Variants in TMEM269 observed in about 807,000 individuals in gnomAD.
TMEM269 encodes the protein transmembrane protein 269.
A neutral mutation model predicts 15.8 loss-of-function variants in TMEM269; 12 were observed. That is an observed-to-expected ratio of 0.76 (90% CI 0.49 to 1.23). TMEM269 has a LOEUF of 1.23. Ranked by LOEUF, TMEM269 falls within the 50% of genes most tolerant of loss-of-function variation. TMEM269 has a pLI of 0.00. For missense variants in TMEM269, 211 were observed against 245.4 expected (o/e 0.86, Z 0.94); for synonymous variants, 93 against 99.3 (o/e 0.94, Z 0.38).
At position 42,798,195 on chromosome 1, in the gene TMEM269, C is replaced by A. The variant is rs987265241; in HGVS notation, c.582C>A (p.Gly194=). 6.5e-7 allele frequency: 1 copy of A among 1,548,434 alleles called. No individual in the cohort carries two copies. Among genetic ancestry groups the A allele is most frequent in the African/African-American group, 1.4e-5 (1 of 73,018 alleles). Residue 194 remains glycine (G), a synonymous_variant, in exon 6 of 6, where the codon GGC becomes GGA. Coordinates refer to ENST00000637012, the MANE Select transcript of TMEM269 (RefSeq NM_001354602.2). The part of the protein sequence containing the change: ...SYIFFPDALW[G]KAACLSPQH Reference sequence around the variant, plus strand: ...TCTTCTTTCCAGATGCTCTGTGGGGCAAGGCAGCCTGTCTTTCGCCACAGC... The same window carrying A: ...TCTTCTTTCCAGATGCTCTGTGGGGAAAGGCAGCCTGTCTTTCGCCACAGC...
At position 42,798,336 on chromosome 1, in the gene TMEM269, A is replaced by ACATACCATATATCTAG; in HGVS notation, c.*111_*112insCATACCATATATCTAG. ...ATGTACCTGTGTTGCCATATACTAG[A>ACATACCATATATCTAG]TATATGGTATGTCTGTTGCCATGAA... On this transcript the variant is annotated 3_prime_UTR_variant, in exon 6 of 6. Coordinates refer to ENST00000637012, the MANE Select transcript of TMEM269 (RefSeq NM_001354602.2). 7.7e-7 allele frequency: 1 copy of ACATACCATATATCTAG among 1,301,018 alleles called. No homozygotes were observed. The highest frequency in any genetic ancestry group is 1.0e-6 in the Non-Finnish European group (1 of 957,052). The allele number at this position is 1,301,018 out of a possible 1,614,324, so 80.6% of individuals were successfully genotyped here.
chr1:42,789,049 A>G (rs1414756562), intron 1 of TMEM269, among the ~76,000 whole-genome samples: 1 of 151,288 alleles, frequency 6.6e-6, no homozygotes, highest in African/African-American at 2.4e-5. Flanking sequence ...CAGCCTCCTG[A>G]GTAGCTGGGA....
Position 42,793,641 on chromosome 1 carries a change from C to T in TMEM269, c.180C>T (p.Gly60=), listed in dbSNP as rs1205665749. The T allele has an allele frequency of 1.9e-6, 3 of 1,550,530 alleles. No individual in the cohort carries two copies. The highest frequency in any genetic ancestry group is 1.2e-5 in the South Asian group (1 of 84,056). ...ACTTTGCCGTCTTCACCACCTTCGG[C>T]TTGGCCTCCGCTCTGCTCCTAGGCG... ...LNDFAVFTTF[G]LASALLLGVD... Residue 60 remains glycine, a synonymous_variant, in exon 4 of 6, where the codon GGC becomes GGT. Coordinates refer to ENST00000637012, the MANE Select transcript of TMEM269 (RefSeq NM_001354602.2).
At chr1:42,785,660 C>T (rs995530958) in intron 1 of TMEM269, among the ~76,000 whole-genome samples, 3 of 152,216 alleles carry the variant, frequency 2.0e-5, no homozygotes, top group African/African-American at 7.2e-5. Flanking sequence ...CACATCCGCA[C>T]GACCACCCCC....
In TMEM269 at chr1:42,791,705, A is replaced by G. The variant is rs1484820713; in HGVS notation, c.42-1100A>G. Among the ~76,000 whole-genome samples, 43 of 152,238 alleles carry G rather than the reference A, an allele frequency of 2.8e-4. 1 individual carries two copies. Among genetic ancestry groups the G allele is most frequent in the Non-Finnish European group, 5.9e-5 (4 of 68,046 alleles). ...TAAATCCAAAGGAAGCATAAAAAGT[A>G]AAAAGTAAAAATCAGGCCGGGCGCA... On this transcript the variant is annotated intron_variant, in intron 2 of 5. Transcript: ENST00000637012.
intron 2 of TMEM269, among the ~76,000 whole-genome samples, chr1:42,792,093 GAGA>G (rs1397331277): frequency 1.3e-5 from 2 of 152,072 alleles, no homozygotes; most frequent in Non-Finnish European, 2.9e-5. Context: ...CTGATTCTTT[GAGA>G]AGATCAATAA....
rs1455732115 is a variant in TMEM269 at position 42,792,905 on chromosome 1, G to A, written c.139+3G>A. 5.2e-6 allele frequency: 8 copies of A among 1,549,634 alleles called. 1 individual carries two copies. In the South Asian group the frequency reaches 9.5e-5, roughly 18 times the overall value. ...CATCAACATATGCTCCAAATTGGGT[G>A]AGTTCAGGCCCCAGGCCCCTAATCC... is the stretch of plus-strand genomic sequence containing the variant. On this transcript the variant is annotated splice_donor_region_variant and intron_variant, in intron 3 of 5. Coordinates refer to ENST00000637012, the MANE Select transcript of TMEM269 (RefSeq NM_001354602.2).
chr1:42,789,522 G>T, intron 1 of TMEM269: 2 of 1,530,466 alleles, frequency 1.3e-6, no homozygotes, highest in Non-Finnish European at 8.8e-7. Context: ...TGTGCTGTGG[G>T]GCAAAGGTGC....
chr1:42,794,710 AT>A, intron 5 of TMEM269, 97 bp downstream of exon 5: 1 of 861,792 alleles, frequency 1.2e-6, no homozygotes, highest in Non-Finnish European at 1.9e-6. Flanking sequence ...ATTCTGCTTT[AT>A]TTTTCCCCAT....
chr1:42,792,955 G>A (rs1323361314), intron 3 of TMEM269, 53 bp downstream of exon 3: 1 of 1,405,332 alleles, frequency 7.1e-7, no homozygotes, highest in Admixed American at 2.0e-5. Context: ...ATCCATCTGG[G>A]GTCACCCCTT....
intron 2 of TMEM269, among the ~76,000 whole-genome samples, chr1:42,791,727 C>T (rs1204495570): frequency 1.3e-5 from 2 of 152,170 alleles, no homozygotes; most frequent in Non-Finnish European, 2.9e-5. Context: ...TCAGGCCGGG[C>T]GCAGTGGCAC....
chr1:42,794,124 T>A (rs750153965), intron 4 of TMEM269, among the ~76,000 whole-genome samples: 51 of 152,192 alleles, frequency 3.4e-4, no homozygotes, highest in Non-Finnish European at 6.3e-4. Flanking sequence ...GGAGAGCAGA[T>A]ACAGCACAGG....
At chr1:42,792,349 G>A (rs1168926896) in intron 2 of TMEM269, among the ~76,000 whole-genome samples, 1 of 152,184 alleles carries the variant, frequency 6.6e-6, no homozygotes, top group Admixed American at 6.5e-5. Flanking sequence ...GAATAGGTTT[G>A]TATCTATTAA....
chr1:42,794,119 G>A (rs888380303), intron 4 of TMEM269, among the ~76,000 whole-genome samples: 25 of 152,332 alleles, frequency 1.6e-4, no homozygotes, highest in African/African-American at 4.1e-4. Flanking sequence ...GTGAGGGAGA[G>A]CAGATACAGC....
chr1:42,792,975 T>G, intron 3 of TMEM269, 73 bp downstream of exon 3: 1 of 1,189,986 alleles, frequency 8.4e-7, no homozygotes, highest in Non-Finnish European at 1.2e-6. Flanking sequence ...TCGTCCATCC[T>G]CTAACATCCC....
intron 1 of TMEM269, chr1:42,789,287 G>T: frequency 1.6e-6 from 1 of 641,928 alleles, no homozygotes; most frequent in East Asian, 2.7e-5. Context: ...TCTGACTGGG[G>T]CCTGTCAGAA....
At chr1:42,790,543 G>A (rs898995873) in intron 2 of TMEM269, among the ~76,000 whole-genome samples, 1 of 151,636 alleles carries the variant, frequency 6.6e-6, no homozygotes, top group Non-Finnish European at 1.5e-5. Flanking sequence ...TTGGTTTTTG[G>A]AGTATAATAA....
At chr1:42,789,727 G>A (rs1653646839) in intron 1 of TMEM269, 69 bp from the exon 2 acceptor site, 1 of 914,442 alleles carries the variant, frequency 1.1e-6, no homozygotes, top group Non-Finnish European at 1.8e-6. Context: ...TAGTGGAACA[G>A]GTCCCTGGGA....
chr1:42,785,339 G>T (rs1410580088), intron 1 of TMEM269, among the ~76,000 whole-genome samples: 1 of 152,178 alleles, frequency 6.6e-6, no homozygotes, highest in Admixed American at 6.5e-5. Context: ...CGTCGTCGCC[G>T]TGCCTGTGCC....
Sources: allele counts gnomAD v4.1 joint callset (sites outside exome capture counted in the v4.1 genomes callset), GRCh38; gene constraint gnomAD v4.1.1; transcripts MANE v1.5; gene names NCBI Gene and HGNC (gene_info 2026-07-23, HGNC 2026-07-21).